SCMH1: variants seen among roughly 807,000 people sequenced by gnomAD.
SCMH1 encodes the protein Scm polycomb group protein homolog 1, also known as polycomb protein SCMH1.
In SCMH1, 37 loss-of-function variants were observed where a neutral mutation model predicts 70.8. The ratio of observed to expected loss-of-function variants is 0.52; its 90% CI spans 0.40 to 0.69. The LOEUF (loss-of-function observed/expected upper bound fraction) is 0.69. Ranked by LOEUF, SCMH1 falls within the 30% of genes least tolerant of loss-of-function variation. The pLI, the probability that SCMH1 is intolerant of heterozygous loss-of-function variation, is 0.00. For synonymous variants in SCMH1, 292 were observed against 307.4 expected (o/e 0.95, Z 0.52); for missense variants, 607 against 827.3 (o/e 0.73, Z 3.27).
At chr1:41,140,019 A>G (rs1404059995) in intron 6 of SCMH1, among the ~76,000 whole-genome samples, 1 of 152,212 alleles carries the variant, frequency 6.6e-6, no homozygotes, top group East Asian at 1.9e-4. Context: ...ACCTTATAAC[A>G]CTTATTAAGG....
intron 5 of SCMH1, 66 bp downstream of exon 5, chr1:41,151,548 G>T: frequency 1.5e-6 from 2 of 1,303,380 alleles, no homozygotes; most frequent in South Asian, 1.4e-5. Flanking sequence ...CTCCTGTTTT[G>T]ATTGTCTAAA....
chr1:41,147,753 C>G (rs572507522), intron 5 of SCMH1, among the ~76,000 whole-genome samples: 1 of 152,144 alleles, frequency 6.6e-6, no homozygotes, highest in Non-Finnish European at 1.5e-5. Context: ...AATTAACTTC[C>G]TTAACCCTGT....
chr1:41,171,573 T>A (rs934186901), intron 2 of SCMH1, among the ~76,000 whole-genome samples: 5 of 151,716 alleles, frequency 3.3e-5, no homozygotes, highest in Non-Finnish European at 5.9e-5. Context: ...GTGACAGTAC[T>A]TTTACTGTCA....
intron 7 of SCMH1, among the ~76,000 whole-genome samples, chr1:41,116,595 T>A (rs1022898298): frequency 2.0e-5 from 3 of 152,240 alleles, no homozygotes; most frequent in Non-Finnish European, 4.4e-5. Flanking sequence ...ACATGAACTC[T>A]ACAGAACTCC....
chr1:41,079,819 A>G (rs1383336008), intron 8 of SCMH1, among the ~76,000 whole-genome samples: 3 of 152,090 alleles, frequency 2.0e-5, no homozygotes, highest in Non-Finnish European at 4.4e-5. Flanking sequence ...CCTGGATTAC[A>G]GGCTCTATCT....
At chr1:41,217,735 G>A (rs1658408635) in intron 1 of SCMH1, among the ~76,000 whole-genome samples, 2 of 152,186 alleles carry the variant, frequency 1.3e-5, no homozygotes, top group African/African-American at 4.8e-5. Context: ...TGAGGGCAAA[G>A]CCACAGATGG....
At chr1:41,042,372 C>T (rs1646298475) in intron 12 of SCMH1, among the ~76,000 whole-genome samples, 1 of 152,072 alleles carries the variant, frequency 6.6e-6, no homozygotes, top group South Asian at 2.1e-4. Context: ...CCTCAGCCTC[C>T]CAAGTAGCTG....
intron 8 of SCMH1, among the ~76,000 whole-genome samples, chr1:41,094,462 G>A (rs1664524347): frequency 6.6e-6 from 1 of 152,140 alleles, no homozygotes; most frequent in African/African-American, 2.4e-5. Flanking sequence ...GGGATCCCAA[G>A]GATCCAAGGA....
chr1:41,107,124 T>C (rs1668147415), intron 8 of SCMH1, among the ~76,000 whole-genome samples: 1 of 151,828 alleles, frequency 6.6e-6, no homozygotes, highest in African/African-American at 2.4e-5. Flanking sequence ...CATCACTTCA[T>C]TTGGAAGCCT....
chr1:41,240,650 G>C (rs1663313407), intron 1 of SCMH1, among the ~76,000 whole-genome samples: 1 of 151,160 alleles, frequency 6.6e-6, no homozygotes, highest in Non-Finnish European at 1.5e-5. Flanking sequence ...ATTTGATAAA[G>C]TGTTTATAGA....
At chr1:41,200,153 T>C (rs1203430387) in intron 1 of SCMH1, among the ~76,000 whole-genome samples, 2 of 152,210 alleles carry the variant, frequency 1.3e-5, no homozygotes, top group Non-Finnish European at 2.9e-5. Flanking sequence ...TACAACTGTA[T>C]ACATTCCTGG....
intron 8 of SCMH1, among the ~76,000 whole-genome samples, chr1:41,076,912 G>C (rs1305671579): frequency 6.6e-6 from 1 of 152,096 alleles, no homozygotes. Flanking sequence ...GCCACTAGAG[G>C]GTTTTGAGCA....
At chr1:41,032,202 G>A (rs1237304665) in intron 13 of SCMH1, among the ~76,000 whole-genome samples, 1 of 152,156 alleles carries the variant, frequency 6.6e-6, no homozygotes, top group Non-Finnish European at 1.5e-5. Flanking sequence ...TGTTAGAGCA[G>A]CCCAAATGGA....
chr1:41,043,523 C>G (rs1219906416), intron 12 of SCMH1: 1 of 150,734 alleles, frequency 6.6e-6, no homozygotes, highest in South Asian at 2.1e-4. Context: ...CCCGAGTTCA[C>G]GCCATTCTCC....
rs376790725 is a variant in SCMH1, at chr1:41,136,969, A to G, written c.412+5909T>C. ...TTTTTAAAAACATTTTTGTTGAGAC[A>G]GGGTCTTGCTATGTTACCCAGGCTG... is the stretch of plus-strand genomic sequence containing the variant. On this transcript the variant is annotated intron_variant, in intron 6 of 14. Transcript: ENST00000337495. Among the ~76,000 whole-genome samples the G allele has an allele frequency of 5.3e-5, 8 of 151,986 alleles. No individual in the cohort carries two copies. The East Asian group carries it at 1.2e-3, about 22-fold the overall frequency.
At chr1:41,127,751 G>GT (rs1387196049) in intron 6 of SCMH1, among the ~76,000 whole-genome samples, 1 of 152,026 alleles carries the variant, frequency 6.6e-6, no homozygotes, top group Admixed American at 6.6e-5. Context: ...TAGAACTATG[G>GT]TCTTATAAGA....
intron 1 of SCMH1, among the ~76,000 whole-genome samples, chr1:41,191,449 G>A (rs980665705): frequency 2.6e-5 from 4 of 152,158 alleles, no homozygotes; most frequent in Admixed American, 2.6e-4. Context: ...AAAGTAATCT[G>A]CTCTATAAAT....
At position 41,195,237 on chromosome 1, in the gene SCMH1, G is replaced by A. The variant is rs7546968; in HGVS notation, c.-117-8987C>T. Among the ~76,000 whole-genome samples the A allele has an allele frequency of 4.1e-5, 6 of 147,652 alleles. No homozygotes were observed. The South Asian group carries it at 6.5e-4, about 16-fold the overall frequency. On this transcript the variant is annotated intron_variant, in intron 1 of 14. Transcript: ENST00000337495. ...CATGAAACTAGCCATAGATAATACC[G>A]ATCATACAGAAATGAATGGGCATGG...
At chr1:41,213,612 A>AC (rs1255356213) in intron 1 of SCMH1, among the ~76,000 whole-genome samples, 1 of 151,860 alleles carries the variant, frequency 6.6e-6, no homozygotes, top group Non-Finnish European at 1.5e-5. Flanking sequence ...AGTCTAAATT[A>AC]CCCCCCATTT....
Sources: gnomAD v4.1 joint callset for allele counts (sites outside exome capture counted in the v4.1 genomes callset) on GRCh38, gnomAD v4.1.1 for gene constraint, MANE v1.5 for transcripts, NCBI Gene and HGNC (gene_info 2026-07-23, HGNC 2026-07-21) for gene names.